PASK: variants seen among roughly 807,000 people sequenced by gnomAD.
PASK encodes PAS domain containing serine/threonine kinase.
Under a neutral mutation model 121.0 loss-of-function variants are expected in PASK, and 110 were observed. The observed-to-expected ratio is 0.91, with a 90% confidence interval of 0.78 to 1.06. PASK has a LOEUF of 1.06. Ranked by LOEUF, PASK falls within the 50% of genes least tolerant of loss-of-function variation. The pLI is 0.00. For synonymous variants in PASK, 686 were observed against 717.8 expected, an observed-to-expected ratio of 0.96 and a Z score of 0.71; for missense variants, 1,643 against 1,702.3, an observed-to-expected ratio of 0.97 and a Z score of 0.61.
intron 8 of PASK, 26 bp from the exon 9 acceptor site, chr2:241,133,056 T>C (rs1308718761): frequency 6.2e-7 from 1 of 1,612,012 alleles, no homozygotes; most frequent in Admixed American, 1.7e-5. Flanking sequence ...AAAAAGAGCG[T>C]TTGCTCTTCA....
chr2:241,126,859 C>T lies in PASK; in HGVS notation c.2056G>A (p.Glu686Lys). 6.2e-7 allele frequency: 1 copy of T among 1,612,670 alleles called. No individual in the cohort carries two copies. Among genetic ancestry groups the T allele is most frequent in the Non-Finnish European group, 8.5e-7 (1 of 1,178,858 alleles). The change falls in exon 10 of 18, where the codon GAG (glutamate) becomes AAG (lysine). Residue 686 changes from glutamate (E) to lysine (K), a missense_variant. Transcript: ENST00000234040. ...DVPHAELVPT[E>K]CQAVTAPVSS... is the part of the protein sequence containing the mutation. ...ACAGGAGCGGTGACAGCCTGGCACTCTGTCGGAACGAGTTCGGCGTGGGGG... is the reference window on the plus strand; with the variant it reads ...ACAGGAGCGGTGACAGCCTGGCACTTTGTCGGAACGAGTTCGGCGTGGGGG...
chr2:241,111,607 C>T (rs1335279794), intron 15 of PASK, among the ~76,000 whole-genome samples: 1 of 152,178 alleles, frequency 6.6e-6, no homozygotes, highest in Non-Finnish European at 1.5e-5. Context: ...GCTTTCCTCT[C>T]TAAAGTCCCC....
At chr2:241,116,348 T>C (rs1049106039) in intron 12 of PASK, among the ~76,000 whole-genome samples, 2 of 152,192 alleles carry the variant, frequency 1.3e-5, no homozygotes, top group Non-Finnish European at 2.9e-5. Context: ...TGCAGCGTCA[T>C]TACTGCCCAT....
In PASK at chr2:241,112,200, G is replaced by A. The variant is rs1390120514; in HGVS notation, c.3533+40C>T. Reference sequence around the variant, plus strand: ...TCAAGCCACCCTCAGGGTCCTGACAGAGGACACGAGGACGGGCCGCACCGC... The same window carrying A: ...TCAAGCCACCCTCAGGGTCCTGACAAAGGACACGAGGACGGGCCGCACCGC... On this transcript the variant is annotated intron_variant, in intron 15 of 17. Coordinates refer to ENST00000234040, the MANE Select transcript of PASK (RefSeq NM_015148.4). The surrounding 1 kb of genome is among the most constrained non-coding windows in gnomAD (Gnocchi z 5.2). 4 of 1,495,220 alleles carry A rather than the reference G, an allele frequency of 2.7e-6. No homozygotes were observed. In the African/African-American group the frequency reaches 4.1e-5, roughly 15 times the overall value. 92.6% of individuals were successfully genotyped at this position (1,495,220 alleles called of 1,614,324 possible). A position where few individuals can be genotyped will look rare whatever the true frequency, so the allele number is the denominator to read the frequency against.
At chr2:241,126,046 G>C (rs866684833) in intron 10 of PASK, 150 bp downstream of exon 10, 6 of 765,956 alleles carry the variant, frequency 7.8e-6, no homozygotes, top group Middle Eastern at 7.3e-4. Flanking sequence ...TCTAGGGGTG[G>C]ATGATATGCA....
At position 241,133,037 on chromosome 2, in the gene PASK, G is replaced by C; in HGVS notation, c.1307-7C>G. On this transcript the variant is annotated splice_polypyrimidine_tract_variant and splice_region_variant and intron_variant, in intron 8 of 17. Coordinates refer to ENST00000234040, the MANE Select transcript of PASK (RefSeq NM_015148.4). The stretch of plus-strand genomic sequence containing the variant: ...ACGACATTAATCCTTGGATCTGGCA[G>C]CAACACCAAAAAAGAGCGTTTGCTC... The C allele has an allele frequency of 6.2e-7, 1 of 1,614,004 alleles. No individual in the cohort carries two copies. Among genetic ancestry groups the C allele is most frequent in the Non-Finnish European group, 8.5e-7 (1 of 1,179,908 alleles).
intron 8 of PASK, 122 bp downstream of exon 8, chr2:241,135,749 C>G (rs2066387050): frequency 2.2e-6 from 2 of 901,792 alleles, no homozygotes; most frequent in Non-Finnish European, 3.6e-6. Context: ...ACTCCGCCCC[C>G]CACCACCCCT....
chr2:241,108,579 A>G lies in PASK; in HGVS notation c.3534-279T>C. ...ACACCAACCACAAGACGTGTCTACC[A>G]GAGGGGGGAGCGGGGGGAGGGCTTC... On this transcript the variant is annotated intron_variant, in intron 15 of 17. Transcript: ENST00000234040. The surrounding 1 kb of genome is among the most constrained non-coding windows in gnomAD (Gnocchi z 5.2). 2.0e-6 allele frequency: 1 copy of G among 496,974 alleles called. No individual in the cohort carries two copies. The highest frequency in any genetic ancestry group is 1.9e-5 in the African/African-American group (1 of 51,422). 30.8% of individuals were successfully genotyped at this position (496,974 alleles called of 1,614,324 possible).
At chr2:241,124,672 A>C (rs1424726738) in intron 10 of PASK, among the ~76,000 whole-genome samples, 1 of 152,228 alleles carries the variant, frequency 6.6e-6, no homozygotes, top group Non-Finnish European at 1.5e-5. Flanking sequence ...ATACACCAAC[A>C]TAAGTGTGGT....
At chr2:241,122,087 G>A (rs554578772) in intron 12 of PASK, among the ~76,000 whole-genome samples, 1 of 152,192 alleles carries the variant, frequency 6.6e-6, no homozygotes, top group South Asian at 2.1e-4. Flanking sequence ...CACAACATAT[G>A]AAAATATGTG....
intron 9 of PASK, among the ~76,000 whole-genome samples, chr2:241,129,577 T>C (rs1028534424): frequency 1.1e-4 from 17 of 152,218 alleles, no homozygotes; most frequent in African/African-American, 4.1e-4. Context: ...GCATCAATTC[T>C]AAGAAAAATA....
intron 12 of PASK, among the ~76,000 whole-genome samples, chr2:241,120,312 G>A (rs1391743465): frequency 6.6e-6 from 1 of 152,094 alleles, no homozygotes; most frequent in East Asian, 1.9e-4. Context: ...GGCCAACATG[G>A]TGCAACCCCA....
intron 7 of PASK, 89 bp downstream of exon 7, chr2:241,136,915 G>T: frequency 1.6e-6 from 2 of 1,258,676 alleles, no homozygotes; most frequent in Non-Finnish European, 1.1e-6. Context: ...CTTGCCGGGT[G>T]CGAGGCCTGT....
chr2:241,127,446 T>C lies in PASK; in HGVS notation c.1469A>G (p.Asp490Gly). The C allele has an allele frequency of 1.9e-6, 3 of 1,613,644 alleles. No homozygotes were observed. Among genetic ancestry groups the C allele is most frequent in the Non-Finnish European group, 1.7e-6 (2 of 1,179,608 alleles). ...CLSPQPAPGV[D>G]NVPEGSLPVH... The stretch of plus-strand genomic sequence containing the variant: ...TGGCAGGCTTCCTTCTGGGACATTG[T>C]CCACCCTGGGGATAATGACATGGGT... Residue 490 changes from aspartate (D) to glycine (G), a missense_variant, in exon 10 of 18, where the codon GAC (aspartate) becomes GGC (glycine). Coordinates refer to ENST00000234040, the MANE Select transcript of PASK (RefSeq NM_015148.4).
chr2:241,132,757 G>A (rs1349652768), intron 9 of PASK, 117 bp downstream of exon 9: 2 of 878,408 alleles, frequency 2.3e-6, no homozygotes, highest in African/African-American at 1.6e-5. Context: ...CAACACATGT[G>A]AGTTTTCAAT....
chr2:241,149,898 G>T, upstream of PASK: 2 of 1,439,954 alleles, frequency 1.4e-6, no homozygotes, highest in South Asian at 2.9e-5. Context: ...GGCCCCACCA[G>T]CGCAAGTGCC....
rs1245148972 is a variant in PASK at position 241,135,889 on chromosome 2, G to T, written c.1288C>A (p.Pro430Thr). The T allele has an allele frequency of 1.2e-6, 2 of 1,614,080 alleles. No individual in the cohort carries two copies. Among genetic ancestry groups the T allele is most frequent in the South Asian group, 2.2e-5 (2 of 91,080 alleles). Reference protein sequence around the residue: ...RTLDPWQGQDPAEGGQDPRIN... With the variant: ...RTLDPWQGQDTAEGGQDPRIN... ...GTCTTACCCTGGCCCCCCTCAGCTGGGTCCTGGCCCTGCCACGGGTCCAAG... is the reference window on the plus strand; with the variant it reads ...GTCTTACCCTGGCCCCCCTCAGCTGTGTCCTGGCCCTGCCACGGGTCCAAG... The change falls in exon 8 of 18, where the codon CCA (proline) becomes ACA (threonine). Residue 430 changes from proline (P) to threonine (T), a missense_variant. Around this residue, in one of 3 missense-constraint regions of PASK, gnomAD observed 1,176 missense variants for 1,162.2 expected, o/e 1.01. Coordinates refer to ENST00000234040, the MANE Select transcript of PASK (RefSeq NM_015148.4).
At chr2:241,146,245 A>G (rs1207731712) in intron 1 of PASK, among the ~76,000 whole-genome samples, 1 of 152,270 alleles carries the variant, frequency 6.6e-6, no homozygotes, top group African/African-American at 2.4e-5. Context: ...AATGTCAAAA[A>G]GGATTTGGAT....
At chr2:241,141,432 T>C (rs2066693919) in intron 2 of PASK, among the ~76,000 whole-genome samples, 1 of 152,178 alleles carries the variant, frequency 6.6e-6, no homozygotes, top group Non-Finnish European at 1.5e-5. Flanking sequence ...GAGCTCCTTG[T>C]GCAGCGTTCT....
Sources: gnomAD v4.1 joint callset for allele counts (sites outside exome capture counted in the v4.1 genomes callset) on GRCh38, gnomAD v4.1.1 for gene constraint, gnomAD v4.1.1 regional missense constraint, Gnocchi (gnomAD v3.1) non-coding constraint, MANE v1.5 for transcripts, NCBI Gene and HGNC (gene_info 2026-07-23, HGNC 2026-07-21) for gene names.